Variants in PIK3C2G observed in about 807,000 individuals in gnomAD.
PIK3C2G encodes the protein phosphatidylinositol 3-kinase C2 domain-containing subunit gamma.
A neutral mutation model predicts 181.1 loss-of-function variants in PIK3C2G; 168 were observed. That is an observed-to-expected ratio of 0.93 (90% CI 0.82 to 1.05). The LOEUF is 1.05. Ranked by LOEUF, PIK3C2G falls within the 50% of genes least tolerant of loss-of-function variation. The pLI, the probability that PIK3C2G is intolerant of heterozygous loss-of-function variation, is 0.00. For synonymous variants in PIK3C2G, 573 were observed against 592.2 expected (o/e 0.97, Z 0.47); for missense variants, 1,869 against 1,732.8 (o/e 1.08, Z -1.40).
At chr12:18,388,698 C>T (rs565359567) in intron 14 of PIK3C2G, among the ~76,000 whole-genome samples, 7 of 152,264 alleles carry the variant, frequency 4.6e-5, no homozygotes, top group African/African-American at 1.4e-4. Flanking sequence ...GGGGCATGGA[C>T]GCTAGGGACA....
intron 31 of PIK3C2G, among the ~76,000 whole-genome samples, chr12:18,638,770 A>G (rs933388529): frequency 6.6e-6 from 1 of 152,126 alleles, no homozygotes; most frequent in Non-Finnish European, 1.5e-5. Context: ...ATAGCTGGCA[A>G]ATTTGGGGAC....
chr12:18,669,341 G>A, the PIK3C2G span, among the ~76,000 whole-genome samples: 1 of 152,076 alleles, frequency 6.6e-6, no homozygotes, highest in Non-Finnish European at 1.5e-5. Flanking sequence ...TATGTAGCAG[G>A]CACCACAGTA....
At chr12:18,632,305 G>GTA (rs1318268117) in intron 31 of PIK3C2G, among the ~76,000 whole-genome samples, 4 of 152,102 alleles carry the variant, frequency 2.6e-5, no homozygotes, top group African/African-American at 9.7e-5. Flanking sequence ...TACTGCTTAA[G>GTA]TACTGTCCTC....
chr12:18,587,286 A>G (rs1323905698), intron 29 of PIK3C2G, among the ~76,000 whole-genome samples: 1 of 152,184 alleles, frequency 6.6e-6, no homozygotes, highest in Non-Finnish European at 1.5e-5. Flanking sequence ...TGCAAATGGC[A>G]TGATACTATA....
At chr12:18,520,278 G>A (rs1942830604) in intron 24 of PIK3C2G, among the ~76,000 whole-genome samples, 1 of 151,918 alleles carries the variant, frequency 6.6e-6, no homozygotes, top group South Asian at 2.1e-4. Flanking sequence ...TGCTAGGTTG[G>A]GAAAGTTCTT....
At chr12:18,403,956 A>G (rs1944385904) in intron 16 of PIK3C2G, among the ~76,000 whole-genome samples, 1 of 152,206 alleles carries the variant, frequency 6.6e-6, no homozygotes, top group Non-Finnish European at 1.5e-5. Context: ...GAAAGTATTC[A>G]TTTAAAAATA....
At chr12:18,687,964 G>T in the PIK3C2G span, 8 of 1,272,922 alleles carry the variant, frequency 6.3e-6, no homozygotes, top group South Asian at 5.5e-5. Context: ...TGCTAATTTT[G>T]GACATAATGG....
chr12:18,556,241 C>G (rs567755254), intron 26 of PIK3C2G, among the ~76,000 whole-genome samples: 1 of 152,122 alleles, frequency 6.6e-6, no homozygotes, highest in Non-Finnish European at 1.5e-5. Context: ...AATCAGGGAG[C>G]TATTACTTGG....
the PIK3C2G span, among the ~76,000 whole-genome samples, chr12:18,709,500 A>G: frequency 6.7e-6 from 1 of 149,792 alleles, no homozygotes; most frequent in Non-Finnish European, 1.5e-5. Context: ...GGCTATTTGA[A>G]GTCTTTTATC....
chr12:18,662,505 A>C, the PIK3C2G span, among the ~76,000 whole-genome samples: 2 of 152,124 alleles, frequency 1.3e-5, no homozygotes, highest in African/African-American at 4.8e-5. Flanking sequence ...ACAGTTTAAA[A>C]AAAAGGCTTT....
intron 16 of PIK3C2G, among the ~76,000 whole-genome samples, chr12:18,413,953 A>G (rs1232653140): frequency 6.6e-6 from 1 of 152,172 alleles, no homozygotes; most frequent in African/African-American, 2.4e-5. Context: ...CAACAACTAT[A>G]TCCCAAAAGA....
chr12:18,505,585 A>G, intron 24 of PIK3C2G, 124 bp downstream of exon 24: 1 of 578,564 alleles, frequency 1.7e-6, no homozygotes, highest in Non-Finnish European at 2.8e-6. Context: ...AGGTAATATA[A>G]ACATGATAAT....
the PIK3C2G span, chr12:18,684,308 A>G: frequency 6.4e-7 from 1 of 1,570,886 alleles, no homozygotes; most frequent in Non-Finnish European, 8.7e-7. Flanking sequence ...AGATACAAAG[A>G]ATAATAGATA....
chr12:18,604,233 A>C (rs146482406), intron 30 of PIK3C2G, among the ~76,000 whole-genome samples: 2,014 of 152,324 alleles, frequency 0.013, 21 homozygotes, highest in Non-Finnish European at 0.02. Context: ...AAAAGCGAGC[A>C]GGGTTAGCTA....
At chr12:18,718,724 T>C in the PIK3C2G span, among the ~76,000 whole-genome samples, 1 of 152,160 alleles carries the variant, frequency 6.6e-6, no homozygotes, top group Non-Finnish European at 1.5e-5. Flanking sequence ...CACATTACCT[T>C]AGTTCATCTT....
intron 18 of PIK3C2G, among the ~76,000 whole-genome samples, chr12:18,429,098 T>C (rs550881818): frequency 1.2e-4 from 19 of 152,240 alleles, no homozygotes; most frequent in Non-Finnish European, 1.9e-4. Flanking sequence ...TTGAGATTAG[T>C]TCCCCCTGGA....
intron 16 of PIK3C2G, among the ~76,000 whole-genome samples, chr12:18,403,689 G>A (rs1385197125): frequency 6.6e-6 from 1 of 152,040 alleles, no homozygotes; most frequent in African/African-American, 2.4e-5. Flanking sequence ...TTAGCAAGAG[G>A]CATGATGAAA....
intron 31 of PIK3C2G, among the ~76,000 whole-genome samples, chr12:18,617,312 G>T (rs74828794): frequency 1.3e-5 from 2 of 152,042 alleles, no homozygotes; most frequent in Non-Finnish European, 2.9e-5. Context: ...TCCTTGCTGC[G>T]TGACTTACAT....
chr12:18,461,539 G>T (rs1947918166), intron 18 of PIK3C2G, among the ~76,000 whole-genome samples: 1 of 152,134 alleles, frequency 6.6e-6, no homozygotes, highest in Admixed American at 6.5e-5. Context: ...TTTTATTAAG[G>T]TTGTAAGGAT....
Sources: gnomAD v4.1 joint callset for allele counts (sites outside exome capture counted in the v4.1 genomes callset) on GRCh38, gnomAD v4.1.1 for gene constraint, MANE v1.5 for transcripts, NCBI Gene and HGNC (gene_info 2026-07-23, HGNC 2026-07-21) for gene names.